The following GLB1L3 variants were observed in gnomAD, a reference collection of about 807,000 sequenced individuals.
GLB1L3 encodes the protein galactosidase beta 1 like 3.
GLB1L3 carries 89 observed loss-of-function variants against 89.5 expected under a neutral mutation model. The observed-to-expected ratio is 0.99, with a 90% confidence interval of 0.84 to 1.19. The LOEUF (loss-of-function observed/expected upper bound fraction) is 1.19, where lower values mean the gene tolerates loss of function less well. GLB1L3 is among the 50% of genes most tolerant of loss of function. The pLI is 0.00. For missense variants in GLB1L3, 812 were observed against 813.3 expected (o/e 1.00, Z 0.02); for synonymous variants, 314 against 312.3 (o/e 1.01, Z -0.06).
intron 7 of GLB1L3, among the ~76,000 whole-genome samples, chr11:134,291,816 G>GA (rs895858326): frequency 3.3e-5 from 5 of 151,308 alleles, no homozygotes; most frequent in African/African-American, 7.3e-5. Context: ...TTCTACTAAA[G>GA]AAAAAAAAAT....
downstream of GLB1L3, among the ~76,000 whole-genome samples, chr11:134,321,018 C>T (rs766143454): frequency 3.3e-5 from 5 of 152,084 alleles, no homozygotes; most frequent in African/African-American, 9.7e-5. Flanking sequence ...AGATATGCCA[C>T]GAGCAGATGG....
intron 18 of GLB1L3, among the ~76,000 whole-genome samples, chr11:134,315,033 A>C (rs1044651643): frequency 6.6e-6 from 1 of 152,196 alleles, no homozygotes; most frequent in Non-Finnish European, 1.5e-5. Context: ...TGCTGCCTTG[A>C]CTTCTAACAC....
Position 134,279,372 on chromosome 11 carries a change from T to C in GLB1L3, c.362+1460T>C, listed in dbSNP as rs1221959359. ...CTTTCTGTTTTCTTTTTCTTTTTTT[T>C]TTTTTTTTTTTTGAGATAGAGTCTT... On this transcript the variant is annotated intron_variant, in intron 3 of 19. Transcript: ENST00000431683. 1.8e-3 allele frequency among the ~76,000 whole-genome samples: 258 copies of C among 141,544 alleles called. 3 individuals carry two copies. Among genetic ancestry groups the C allele is most frequent in the African/African-American group, 6.7e-3 (240 of 35,628 alleles). The allele number at this position is 141,544 out of a possible 152,430, so 92.9% of individuals were successfully genotyped here. A position where few individuals can be genotyped will look rare whatever the true frequency, so the allele number is the denominator to read the frequency against.
Position 134,304,200 on chromosome 11 carries a change from T to C in GLB1L3, c.877-2924T>C, listed in dbSNP as rs116587085. Among the ~76,000 whole-genome samples, 1,394 of 152,276 alleles carry C rather than the reference T, an allele frequency of 9.2e-3. 14 individuals carry two copies. The highest frequency in any genetic ancestry group is 0.032 in the African/African-American group (1,314 of 41,552). On this transcript the variant is annotated intron_variant, in intron 9 of 19. Coordinates refer to ENST00000431683, the MANE Select transcript of GLB1L3 (RefSeq NM_001080407.3). ...TTCTCAAATGTGCTGGGTATCTCTT[T>C]AGTTTGTACATTTTTGTCTACTTAT...
At position 134,314,424 on chromosome 11, in the gene GLB1L3, AC is replaced by A; in HGVS notation, c.1764del (p.Phe589SerfsTer2). 1 of 1,550,574 alleles carries A rather than the reference AC, an allele frequency of 6.4e-7. No homozygotes were observed. Among genetic ancestry groups the A allele is most frequent in the South Asian group, 1.2e-5 (1 of 83,986 alleles). ...GAAGGCTGGCCCTTCTCCCAAGGAC[AC>A]CTTCCTGAGCCTGCTGGTAGGTGAT... ...TLKAGPSPKD[T>X]FLSLLNWNYG... On this transcript the variant is annotated frameshift_variant, in exon 18 of 20. Coordinates refer to ENST00000431683, the MANE Select transcript of GLB1L3 (RefSeq NM_001080407.3). LOFTEE classifies it high-confidence loss of function.
At position 134,318,729 on chromosome 11, in the gene GLB1L3, T is replaced by G. The variant is rs1189616358; in HGVS notation, c.1878T>G (p.Leu626=). 1 of 1,610,310 alleles carries G rather than the reference T, an allele frequency of 6.2e-7. No homozygotes were observed. Among genetic ancestry groups the G allele is most frequent in the Non-Finnish European group, 8.5e-7 (1 of 1,177,176 alleles). Residue 626 remains leucine, a synonymous_variant, in exon 19 of 20, where the codon CTT becomes CTG. Transcript: ENST00000431683. ...CACTGTACCTTCCTGGAGTTTGGCT[T>G]CATCCAGAAGACAATGAGGTATGTC... The part of the protein sequence containing the change: ...QKTLYLPGVW[L]HPEDNEVILF...
intron 9 of GLB1L3, among the ~76,000 whole-genome samples, chr11:134,299,119 G>A (rs1355632289): frequency 6.6e-6 from 1 of 151,460 alleles, no homozygotes; most frequent in Non-Finnish European, 1.5e-5. Context: ...GAAATTTTTC[G>A]TTTCTCTTGC....
intron 7 of GLB1L3, among the ~76,000 whole-genome samples, chr11:134,291,124 T>A (rs1350181411): frequency 6.6e-6 from 1 of 152,096 alleles, no homozygotes; most frequent in African/African-American, 2.4e-5. Flanking sequence ...ATGCTCTGTT[T>A]AGTTTCCGAT....
chr11:134,309,574 T>C, intron 10 of GLB1L3, 52 bp from the exon 11 acceptor site: 1 of 1,450,270 alleles, frequency 6.9e-7, no homozygotes, highest in Non-Finnish European at 9.3e-7. Context: ...CAGAGGCTTC[T>C]GTCTCCTCTT....
chr11:134,283,742 T>C lies in GLB1L3; in HGVS notation c.533T>C (p.Leu178Pro), dbSNP rs1485262862. 6 of 1,608,848 alleles carry C rather than the reference T, an allele frequency of 3.7e-6. No individual in the cohort carries two copies. Among genetic ancestry groups the C allele is most frequent in the Non-Finnish European group, 5.1e-6 (6 of 1,176,512 alleles). Residue 178 changes from leucine (L) to proline (P), a missense_variant, in exon 6 of 20, where the codon CTC (leucine) becomes CCC (proline). Coordinates refer to ENST00000431683, the MANE Select transcript of GLB1L3 (RefSeq NM_001080407.3). ...CCCGCCCCTCTTGCCCCCAGCTGGC[T>C]CCTGCAAGACCCCCGGTTACTGTTG... ...EMDLGGLPSW[L>P]LQDPRLLLRT...
At chr11:134,286,299 T>C (rs928607155) in intron 6 of GLB1L3, among the ~76,000 whole-genome samples, 2 of 152,204 alleles carry the variant, frequency 1.3e-5, no homozygotes, top group Non-Finnish European at 2.9e-5. Context: ...ATGGTGTTGC[T>C]GCAATACAGT....
intron 9 of GLB1L3, chr11:134,305,019 G>C (rs1223258730): frequency 7.2e-7 from 1 of 1,392,916 alleles, no homozygotes; most frequent in Non-Finnish European, 9.7e-7. Context: ...ATGTATCTTA[G>C]TGGCATAATA....
chr11:134,286,733 C>T (rs900360265), intron 6 of GLB1L3, among the ~76,000 whole-genome samples: 7 of 150,744 alleles, frequency 4.6e-5, no homozygotes, highest in African/African-American at 1.7e-4. Flanking sequence ...GCCAAGATGG[C>T]GCCACCGCAC....
chr11:134,310,260 T>C (rs1468127538), intron 11 of GLB1L3: 7 of 416,430 alleles, frequency 1.7e-5, no homozygotes, highest in Non-Finnish European at 2.6e-5. Context: ...TTTATGAATT[T>C]GTGTTGGGCT....
chr11:134,308,628 TCACCATCAA>T (rs1942544337), intron 10 of GLB1L3, among the ~76,000 whole-genome samples: 2 of 96,966 alleles, frequency 2.1e-5, no homozygotes, highest in Non-Finnish European at 4.5e-5. Flanking sequence ...ATCACCACCA[TCACCATCAA>T]CACCATCACC....
rs1380484796 is a variant in GLB1L3, at chr11:134,318,897, G to T, written c.1917G>T (p.Met639Ile). Reference sequence around the variant, plus strand: ...CTCAGGTCATCTTGTTTGAGAAGATGATGAGTGGCTCAGATATCAAATCTA... The same window carrying T: ...CTCAGGTCATCTTGTTTGAGAAGATTATGAGTGGCTCAGATATCAAATCTA... The part of the protein sequence containing the change: ...EDNEVILFEK[M>I]MSGSDIKSTD... Residue 639 changes from methionine to isoleucine, a missense_variant, in exon 20 of 20, where the codon ATG becomes ATT. Transcript: ENST00000431683. The T allele has an allele frequency of 5.0e-6, 8 of 1,613,006 alleles. No individual in the cohort carries two copies. In the African/African-American group the frequency reaches 9.4e-5, roughly 19 times the overall value.
At chr11:134,282,396 C>T (rs564612862) in intron 5 of GLB1L3, among the ~76,000 whole-genome samples, 27 of 152,042 alleles carry the variant, frequency 1.8e-4, no homozygotes, top group African/African-American at 3.6e-4. Flanking sequence ...AGGGTGTGCG[C>T]GGGGAGAGGT....
At chr11:134,288,929 C>G in intron 7 of GLB1L3, 39 bp downstream of exon 7, 1 of 1,350,634 alleles carries the variant, frequency 7.4e-7, no homozygotes, top group Non-Finnish European at 1.0e-6. Context: ...TTACATGCCT[C>G]CTTCCTCCTC....
At position 134,283,251 on chromosome 11, in the gene GLB1L3, C is replaced by T. The variant is rs568567472; in HGVS notation, c.528-486C>T. Among the ~76,000 whole-genome samples the T allele has an allele frequency of 2.5e-4, 38 of 152,176 alleles. No individual in the cohort carries two copies. The South Asian group carries it at 4.6e-3, about 18-fold the overall frequency. ...CTAATTTCTGTACTTTTAGTGGAGACGGGAGTTTCGCCACGTTGGCCAGGC... is the reference window on the plus strand; with the variant it reads ...CTAATTTCTGTACTTTTAGTGGAGATGGGAGTTTCGCCACGTTGGCCAGGC... On this transcript the variant is annotated intron_variant, in intron 5 of 19. Transcript: ENST00000431683.
Sources: allele counts gnomAD v4.1 joint callset (sites outside exome capture counted in the v4.1 genomes callset), GRCh38; gene constraint gnomAD v4.1.1; transcripts MANE v1.5; gene names NCBI Gene and HGNC (gene_info 2026-07-23, HGNC 2026-07-21).